Variants in CFAP47 observed in about 807,000 individuals in gnomAD.
CFAP47 encodes the protein cilia and flagella associated protein 47.
In CFAP47, 29 loss-of-function variants were observed where a neutral mutation model predicts 148.1. The observed-to-expected ratio is 0.20, with a 90% CI of 0.15 to 0.27. The LOEUF is 0.27. Ranked by LOEUF, CFAP47 falls within the 10% of genes least tolerant of loss-of-function variation. CFAP47 has a pLI of 1.00. For missense variants in CFAP47, 1,872 were observed against 1,697.5 expected, an observed-to-expected ratio of 1.10 and a Z score of -1.81; for synonymous variants, 664 against 577.3, an observed-to-expected ratio of 1.15 and a Z score of -2.15.
intron 5 of CFAP47, 23 bp downstream of exon 5, chrX:35,951,382 A>T (rs6632426): frequency 0.15 from 140,236 of 959,446 alleles, 8,196 homozygotes; most frequent in African/African-American, 0.29. Flanking sequence ...TGCGACAGGG[A>T]TATCAGATAT....
intron 60 of CFAP47, among the ~76,000 whole-genome samples, chrX:36,358,767 C>T (rs1556018798): frequency 8.9e-6 from 1 of 111,737 alleles, no homozygotes; most frequent in Non-Finnish European, 1.9e-5. Context: ...AGCTGGTTTT[C>T]ACCATGAACA....
At chrX:36,197,431 C>T (rs200321184) in intron 42 of CFAP47, among the ~76,000 whole-genome samples, 1 of 112,159 alleles carries the variant, frequency 8.9e-6, no homozygotes, top group Non-Finnish European at 1.9e-5. Context: ...AGTCTAATTG[C>T]TTATGCACAT....
At chrX:36,013,026 T>C (rs1373634946) in intron 21 of CFAP47, among the ~76,000 whole-genome samples, 1 of 110,132 alleles carries the variant, frequency 9.1e-6, no homozygotes, top group Admixed American at 9.7e-5. Flanking sequence ...GCTGTAAACT[T>C]TTGACTTTTT....
Position 36,103,501 on chromosome X carries a change from G to GAAAAAA in CFAP47, c.5128-975_5128-970dup, listed in dbSNP as rs61501194. Among the ~76,000 whole-genome samples the GAAAAAA allele has an allele frequency of 1.0e-3, 15 of 15,047 alleles. 3 individuals are homozygous for GAAAAAA. Among genetic ancestry groups the GAAAAAA allele is most frequent in the African/African-American group, 3.3e-3 (14 of 4,201 alleles). 13.1% of individuals were successfully genotyped at this position (15,047 alleles called of 115,157 possible). A position where few individuals can be genotyped will look rare whatever the true frequency, so the allele number is the denominator to read the frequency against. ...GAGCTGAGTGTGCTCTCATATGCCA[G>GAAAAAA]AAAAAAAAAAAAAAAAAAAAAAAAA... On this transcript the variant is annotated intron_variant, in intron 32 of 63. Transcript: ENST00000378653.
chrX:35,944,179 T>G (rs1340118163), intron 3 of CFAP47, among the ~76,000 whole-genome samples: 5 of 111,272 alleles, frequency 4.5e-5, no homozygotes, highest in Non-Finnish European at 9.4e-5. Flanking sequence ...AACCAGGAAA[T>G]TTGTCAAACT....
At chrX:36,190,855 G>T (rs1378239725) in intron 42 of CFAP47, among the ~76,000 whole-genome samples, 1 of 111,229 alleles carries the variant, frequency 9.0e-6, no homozygotes, top group Non-Finnish European at 1.9e-5. Flanking sequence ...AGCATTACCT[G>T]CTTCCAGAGA....
chrX:36,141,907 T>G (rs1939148829), intron 35 of CFAP47, among the ~76,000 whole-genome samples: 1 of 108,175 alleles, frequency 9.2e-6, no homozygotes, highest in South Asian at 3.9e-4. Flanking sequence ...TCTTTTCTTG[T>G]GCTTCTCTTT....
chrX:36,049,908 C>A (rs922774053), intron 26 of CFAP47, among the ~76,000 whole-genome samples: 1 of 110,955 alleles, frequency 9.0e-6, no homozygotes, highest in Non-Finnish European at 1.9e-5. Context: ...GGTGAGTTAT[C>A]CTGTGCTGTT....
At chrX:36,328,373 G>A (rs1941534624) in intron 57 of CFAP47, among the ~76,000 whole-genome samples, 1 of 111,869 alleles carries the variant, frequency 8.9e-6, no homozygotes, top group Non-Finnish European at 1.9e-5. Flanking sequence ...TGTTAAAATG[G>A]CAATGTTCTC....
intron 50 of CFAP47, among the ~76,000 whole-genome samples, chrX:36,281,030 AT>A (rs1265783284): frequency 8.9e-6 from 1 of 111,814 alleles, no homozygotes; most frequent in Non-Finnish European, 1.9e-5. Flanking sequence ...ACTAAACACT[AT>A]TTTTCCCCCT....
chrX:36,383,141 C>A (rs1203664366), intron 63 of CFAP47, among the ~76,000 whole-genome samples: 2 of 111,590 alleles, frequency 1.8e-5, no homozygotes, highest in African/African-American at 6.5e-5. Flanking sequence ...CACACAAGCA[C>A]ACACACACTC....
At chrX:36,281,298 T>C (rs1199549779) in intron 50 of CFAP47, among the ~76,000 whole-genome samples, 3 of 112,671 alleles carry the variant, frequency 2.7e-5, no homozygotes, top group Non-Finnish European at 5.6e-5. Context: ...TCGTATTAGA[T>C]AGCATTCTTC....
chrX:36,290,359 C>G (rs782575015), intron 51 of CFAP47, among the ~76,000 whole-genome samples: 12 of 112,036 alleles, frequency 1.1e-4, no homozygotes, highest in African/African-American at 3.9e-4. Context: ...TGGTTAGATA[C>G]GATGTTAACC....
chrX:36,296,600 A>C (rs1556006762), intron 51 of CFAP47, among the ~76,000 whole-genome samples: 1 of 112,533 alleles, frequency 8.9e-6, no homozygotes, highest in African/African-American at 3.2e-5. Context: ...GTTGTGGTTA[A>C]AACATTTTGA....
chrX:36,367,336 A>T (rs1941888192), intron 62 of CFAP47, among the ~76,000 whole-genome samples: 1 of 112,254 alleles, frequency 8.9e-6, no homozygotes, highest in African/African-American at 3.2e-5. Flanking sequence ...ATGAAAAACA[A>T]AAGTAAATAA....
chrX:36,293,595 C>T (rs1014567417), intron 51 of CFAP47, among the ~76,000 whole-genome samples: 6 of 112,166 alleles, frequency 5.3e-5, no homozygotes, highest in South Asian at 3.7e-4. Flanking sequence ...ATCACTTTCA[C>T]TCACATACAA....
chrX:35,938,207 G>T (rs1453218151), intron 2 of CFAP47, among the ~76,000 whole-genome samples: 1 of 110,766 alleles, frequency 9.0e-6, no homozygotes, highest in Non-Finnish European at 1.9e-5. Context: ...TCTTAAATTT[G>T]TAGCTCCATT....
intron 29 of CFAP47, 102 bp from the exon 30 acceptor site, chrX:36,085,212 T>C (rs1938058166): frequency 4.0e-6 from 2 of 506,278 alleles, no homozygotes; most frequent in Admixed American, 6.9e-5. Flanking sequence ...ACTTAGTTGA[T>C]TTTAATAGAG....
Position 36,085,426 on chromosome X carries a change from A to G in CFAP47, c.4804A>G (p.Ser1602Gly), listed in dbSNP as rs1468375826. The G allele has an allele frequency of 1.7e-6, 2 of 1,199,955 alleles. No individual in the cohort carries two copies. The highest frequency in any genetic ancestry group is 4.4e-5 in the Admixed American group (2 of 45,332). ...KTIYDVLLHL[S>G]GKMPPGINSS... ...CATTTATGATGTGCTGCTCCATTTG[A>G]GTGGAAAAATGCCACCTGGAATTAA... Residue 1602 changes from serine to glycine, a missense_variant, in exon 30 of 64, where the codon AGT (serine) becomes GGT (glycine). Ser to Gly is a moderately conservative substitution (Grantham distance 56). Coordinates refer to ENST00000378653, the MANE Select transcript of CFAP47 (RefSeq NM_001304548.2).
Sources: gnomAD v4.1 joint callset for allele counts (sites outside exome capture counted in the v4.1 genomes callset) on GRCh38, gnomAD v4.1.1 for gene constraint, MANE v1.5 for transcripts, NCBI Gene and HGNC (gene_info 2026-07-23, HGNC 2026-07-21) for gene names.